PRPF39: variants seen among roughly 807,000 people sequenced by gnomAD.
PRPF39 encodes the protein pre-mRNA-processing factor 39.
Under a neutral mutation model 82.1 loss-of-function variants are expected in PRPF39, and 27 were observed. The observed-to-expected ratio is 0.33, with a 90% confidence interval of 0.24 to 0.45. The LOEUF (loss-of-function observed/expected upper bound fraction) is 0.45. PRPF39 is among the 20% of genes least tolerant of loss of function. PRPF39 has a pLI of 1.00. For synonymous variants in PRPF39, 261 were observed against 256.4 expected (o/e 1.02, Z -0.17); for missense variants, 581 against 796.9 (o/e 0.73, Z 3.26).
Position 45,110,581 on chromosome 14 carries a change from A to G in PRPF39, c.1336A>G (p.Thr446Ala), listed in dbSNP as rs1367954693. 6.4e-7 allele frequency: 1 copy of G among 1,565,404 alleles called. No homozygotes were observed. The highest frequency in any genetic ancestry group is 1.9e-5 in the Admixed American group (1 of 52,630). The change falls in exon 10 of 14, where the codon ACA becomes GCA. Residue 446 changes from threonine (T) to alanine (A), a missense_variant. By Grantham distance (58) the Thr-to-Ala change is moderately conservative. Transcript: ENST00000355765. The surrounding 1 kb of genome is among the most constrained non-coding windows in gnomAD (Gnocchi z 4.0). ...TAATGAAGCCAGGAATATCTTGAAA[A>G]CATTTGAAGAATGTGTTCTAGGATT... ...NINEARNILKTFEECVLGLAM... is the reference protein window; with the variant it reads ...NINEARNILKAFEECVLGLAM...
Position 45,107,928 on chromosome 14 carries a change from C to CG in PRPF39, c.903+318dup, listed in dbSNP as rs148878642. Among the ~76,000 whole-genome samples the CG allele has an allele frequency of 6.2e-3, 947 of 151,660 alleles. 6 individuals carry two copies. Among genetic ancestry groups the CG allele is most frequent in the African/African-American group, 0.022 (897 of 41,344 alleles). ...TGGGCCAAAGAGCAAGACTCCATCT[C>CG]GGGGGGAAAAAAAGGTCTTTAGTGC... On this transcript the variant is annotated intron_variant, in intron 6 of 13. Transcript: ENST00000355765.
intron 1 of PRPF39, among the ~76,000 whole-genome samples, chr14:45,092,600 CAAAAAAAAAAAAAAA>C (rs775755309): frequency 1.9e-5 from 1 of 51,486 alleles, no homozygotes; most frequent in African/African-American, 6.2e-5. Context: ...GACTCTGTCT[CAAAAAAAAAAAAAAA>C]AAAAAAAAAG....
chr14:45,105,840 AG>A (rs370163004), intron 5 of PRPF39, among the ~76,000 whole-genome samples: 4 of 152,016 alleles, frequency 2.6e-5, no homozygotes, highest in Middle Eastern at 3.4e-3. Flanking sequence ...CTTACTTTTT[AG>A]TAACATTTCT....
Position 45,095,572 on chromosome 14 carries a change from CTA to C in PRPF39, c.324+11_324+12del. ...AATATGTAGAACAGGAGGTTAGTAA[CTA>C]TTAAAATGGTATCAGAAGGGACAAA... On this transcript the variant is annotated intron_variant, in intron 2 of 13. Transcript: ENST00000355765. 1 of 1,570,068 alleles carries C rather than the reference CTA, an allele frequency of 6.4e-7. No homozygotes were observed. The highest frequency in any genetic ancestry group is 1.2e-5 in the South Asian group (1 of 85,732).
At position 45,107,620 on chromosome 14, in the gene PRPF39, A is replaced by G; in HGVS notation, c.903+4A>G. 6 of 1,551,114 alleles carry G rather than the reference A, an allele frequency of 3.9e-6. No individual in the cohort carries two copies. Among genetic ancestry groups the G allele is most frequent in the Non-Finnish European group, 5.2e-6 (6 of 1,146,382 alleles). On this transcript the variant is annotated splice_donor_region_variant and intron_variant, in intron 6 of 13. Transcript: ENST00000355765. Reference sequence around the variant, plus strand: ...AGACATAACCGATCCTGCAAAGGTAACCAGTCTTATTCTAAAGTTCGTCAG... The same window carrying G: ...AGACATAACCGATCCTGCAAAGGTAGCCAGTCTTATTCTAAAGTTCGTCAG...
At position 45,115,177 on chromosome 14, in the gene PRPF39, A is replaced by G. The variant is rs952821359; in HGVS notation, c.*264A>G. 30 of 238,354 alleles carry G rather than the reference A, an allele frequency of 1.3e-4. No individual in the cohort carries two copies. The highest frequency in any genetic ancestry group is 1.5e-3 in the Middle Eastern group (1 of 660). 14.8% of individuals were successfully genotyped at this position (238,354 alleles called of 1,614,324 possible). ...TTAAGTGGTCTAGAATTCTTTTGCA[A>G]TGCATTTGCAACAGAATTTTGTAGC... On this transcript the variant is annotated 3_prime_UTR_variant, in exon 14 of 14. Transcript: ENST00000355765.
chr14:45,101,222 AT>A (rs1308942791), intron 4 of PRPF39, among the ~76,000 whole-genome samples: 2 of 152,096 alleles, frequency 1.3e-5, no homozygotes, highest in African/African-American at 4.8e-5. Context: ...GTAGAATTTG[AT>A]TTTTTCTTGT....
chr14:45,108,286 A>C, intron 6 of PRPF39, 129 bp from the exon 7 acceptor site: 1 of 1,091,552 alleles, frequency 9.2e-7, no homozygotes, highest in East Asian at 3.2e-5. Context: ...CATAATTGCC[A>C]ACAGTTAAAA....
chr14:45,088,977 C>T (rs143324353), intron 1 of PRPF39, among the ~76,000 whole-genome samples: 3 of 152,292 alleles, frequency 2.0e-5, no homozygotes, highest in Non-Finnish European at 4.4e-5. Context: ...ATTACTGATA[C>T]AGTGAAGAGA....
rs747095110 is a variant in PRPF39, at chr14:45,102,660, G to A, written c.701G>A (p.Gly234Asp). 1.2e-5 allele frequency: 19 copies of A among 1,610,164 alleles called. No individual in the cohort carries two copies. The highest frequency in any genetic ancestry group is 1.5e-5 in the Non-Finnish European group (18 of 1,178,516). ...ACAGCTATATATGATCGTATTCTTG[G>A]TATTCCAACACAGCTGTATAGTCAT... ...EVTAIYDRIL[G>D]IPTQLYSHHF... Residue 234 changes from glycine (G) to aspartate (D), a missense_variant, in exon 5 of 14, where the codon GGT becomes GAT. Coordinates refer to ENST00000355765, the MANE Select transcript of PRPF39 (RefSeq NM_017922.4).
At position 45,096,948 on chromosome 14, in the gene PRPF39, ACTT is replaced by A; in HGVS notation, c.516_518del (p.Phe172del). ...GTTGACCTTTGGATACATTATATAA[ACTT>A]CTTAAAAGAAACATTGGACCCTGGT... On this transcript the variant is annotated inframe_deletion, in exon 4 of 14. Transcript: ENST00000355765. The A allele has an allele frequency of 6.4e-7, 1 of 1,553,160 alleles. No homozygotes were observed.
intron 5 of PRPF39, among the ~76,000 whole-genome samples, chr14:45,103,987 C>T (rs1884451525): frequency 6.6e-6 from 1 of 152,106 alleles, no homozygotes; most frequent in Non-Finnish European, 1.5e-5. Flanking sequence ...TTAATCCTCC[C>T]AGTAACCCAG....
At chr14:45,112,692 A>G (rs1002267217) in intron 11 of PRPF39, among the ~76,000 whole-genome samples, 190 bp downstream of exon 11, 7 of 152,246 alleles carry the variant, frequency 4.6e-5, no homozygotes, top group African/African-American at 1.7e-4. Context: ...AGGAAGGCAT[A>G]AGGTTTGTCT....
At chr14:45,091,710 TACTC>T (rs1162500078) in intron 1 of PRPF39, among the ~76,000 whole-genome samples, 2 of 152,170 alleles carry the variant, frequency 1.3e-5, no homozygotes, top group Admixed American at 6.5e-5. Flanking sequence ...AAATTTTACT[TACTC>T]ATAGTTAAGG....
chr14:45,088,176 G>C (rs1883904478), intron 1 of PRPF39: 1 of 155,476 alleles, frequency 6.4e-6, no homozygotes, highest in Non-Finnish European at 1.4e-5. Flanking sequence ...GGGCATGATT[G>C]AGGGCAACCT....
chr14:45,096,491 A>G, intron 3 of PRPF39: 1 of 1,454,796 alleles, frequency 6.9e-7, no homozygotes, highest in Non-Finnish European at 9.2e-7. Flanking sequence ...GCAGCTTAAC[A>G]AGTAGGGCAG....
chr14:45,110,903 T>G lies in PRPF39; in HGVS notation c.1572+86T>G, dbSNP rs182348145. The G allele has an allele frequency of 7.9e-7, 1 of 1,261,682 alleles. No homozygotes were observed. Among genetic ancestry groups the G allele is most frequent in the Non-Finnish European group, 1.1e-6 (1 of 921,978 alleles). The allele number at this position is 1,261,682 out of a possible 1,614,324, so 78.2% of individuals were successfully genotyped here. On this transcript the variant is annotated intron_variant, in intron 10 of 13. Transcript: ENST00000355765. The surrounding 1 kb of genome is among the most constrained non-coding windows in gnomAD (Gnocchi z 4.0). ...CACTGTGGCAACTGTGATGAAAGAT[T>G]TGGTCTGTATGTAATAGATTTTATT...
Position 45,095,343 on chromosome 14 carries a change from T to G in PRPF39, c.104T>G (p.Ile35Ser). The G allele has an allele frequency of 6.2e-7, 1 of 1,613,506 alleles. No homozygotes were observed. The highest frequency in any genetic ancestry group is 8.5e-7 in the Non-Finnish European group (1 of 1,179,452). The change falls in exon 2 of 14, where the codon ATT (isoleucine) becomes AGT (serine). Residue 35 changes from isoleucine to serine, a missense_variant. Coordinates refer to ENST00000355765, the MANE Select transcript of PRPF39 (RefSeq NM_017922.4). ...VEHPTDFSTE[I>S]MNVTEMEQSP... ...CATCCTACTGATTTCAGTACTGAGA[T>G]TATGAACGTTACAGAAATGGAACAG...
At chr14:45,107,704 G>A (rs1247077456) in intron 6 of PRPF39, 88 bp downstream of exon 6, 12 of 1,348,056 alleles carry the variant, frequency 8.9e-6, no homozygotes, top group Admixed American at 2.4e-5. Flanking sequence ...CAAGGTAGGC[G>A]GGTCACCTGA....
Sources: allele counts gnomAD v4.1 joint callset (sites outside exome capture counted in the v4.1 genomes callset), GRCh38; gene constraint gnomAD v4.1.1; non-coding constraint Gnocchi (gnomAD v3.1); transcripts MANE v1.5; gene names NCBI Gene and HGNC (gene_info 2026-07-23, HGNC 2026-07-21).